PPP1R7: variants seen among roughly 807,000 people sequenced by gnomAD.
The protein encoded by PPP1R7 is protein phosphatase 1 regulatory subunit 22.
In PPP1R7, 18 loss-of-function variants were observed where a neutral mutation model predicts 45.2. The ratio of observed to expected loss-of-function variants is 0.40; its 90% confidence interval spans 0.28 to 0.59. The LOEUF (loss-of-function observed/expected upper bound fraction) is 0.59, where lower values mean the gene tolerates loss of function less well. Among genes scored for constraint, PPP1R7 ranks in the 20% least tolerant of loss-of-function variants. The pLI is 0.46. For missense variants in PPP1R7, 314 were observed against 455.8 expected, an observed-to-expected ratio of 0.69 and a Z score of 2.83; for synonymous variants, 181 against 183.4, an observed-to-expected ratio of 0.99 and a Z score of 0.11.
Position 241,183,356 on chromosome 2 carries a change from C to G in PPP1R7, c.*533C>G, listed in dbSNP as rs1230515244. The G allele has an allele frequency of 6.4e-6, 3 of 467,418 alleles. No individual in the cohort carries two copies. Among genetic ancestry groups the G allele is most frequent in the Non-Finnish European group, 8.9e-6 (2 of 225,966 alleles). The allele number at this position is 467,418 out of a possible 1,614,324, so 29.0% of individuals were successfully genotyped here. Reference sequence around the variant, plus strand: ...AAAAGCTGGGTAAAAGCTGACTCAGCCCTGTGTGCTTGTGTTCCTTAGAGC... The same window carrying G: ...AAAAGCTGGGTAAAAGCTGACTCAGGCCTGTGTGCTTGTGTTCCTTAGAGC... On this transcript the variant is annotated 3_prime_UTR_variant, in exon 10 of 10. Transcript: ENST00000234038.
chr2:241,177,840 C>T (rs77648279), intron 9 of PPP1R7, among the ~76,000 whole-genome samples: 3,258 of 152,340 alleles, frequency 0.021, 64 homozygotes, highest in Non-Finnish European at 0.034. Context: ...AGGAAAGTTT[C>T]CACCCTCATG....
At chr2:241,166,148 C>G (rs1275208035) in intron 7 of PPP1R7, among the ~76,000 whole-genome samples, 189 bp from the exon 8 acceptor site, 1 of 150,268 alleles carries the variant, frequency 6.7e-6, no homozygotes, top group Non-Finnish European at 1.5e-5. Context: ...GTGATCTGCC[C>G]CACTCGGCCT....
intron 8 of PPP1R7, 39 bp from the exon 9 acceptor site, chr2:241,169,742 C>A: frequency 6.5e-7 from 1 of 1,531,768 alleles, no homozygotes; most frequent in Non-Finnish European, 9.0e-7. Context: ...CACTGTTGAT[C>A]AGAGGTAATC....
rs199789467 is a variant in PPP1R7, at chr2:241,166,357, C to G, written c.735C>G (p.Ile245Met). The change falls in exon 8 of 10, where the codon ATC becomes ATG. Residue 245 changes from isoleucine to methionine, a missense_variant. By Grantham distance (10) the Ile-to-Met change is conservative. This residue lies in a region of PPP1R7 where 168 missense variants were observed against 285.3 expected (regional missense o/e 0.59). Coordinates refer to ENST00000234038, the MANE Select transcript of PPP1R7 (RefSeq NM_002712.3). ...LSMQSNRLTK[I>M]EGLQNLVNLR... ...TGCAGAGCAACCGGCTGACCAAGAT[C>G]GAGGGTCTGCAGAACCTGGTGAACC... 3.9e-5 allele frequency: 63 copies of G among 1,613,998 alleles called. No individual in the cohort carries two copies. In the African/African-American group the frequency reaches 6.8e-4, roughly 17 times the overall value.
At chr2:241,152,527 G>A (rs1330695804) in intron 1 of PPP1R7, among the ~76,000 whole-genome samples, 1 of 152,190 alleles carries the variant, frequency 6.6e-6, no homozygotes, top group African/African-American at 2.4e-5. Context: ...AGGTTTTGGA[G>A]GTGGGTTTTA....
At chr2:241,157,389 A>G (rs1251268551) in intron 2 of PPP1R7, among the ~76,000 whole-genome samples, 1 of 152,222 alleles carries the variant, frequency 6.6e-6, no homozygotes, top group African/African-American at 2.4e-5. Flanking sequence ...CACAAACAAA[A>G]AGAGAAAAGC....
intron 9 of PPP1R7, among the ~76,000 whole-genome samples, chr2:241,181,554 A>C (rs565305725): frequency 1.2e-3 from 181 of 152,146 alleles, no homozygotes; most frequent in African/African-American, 4.1e-3. Flanking sequence ...ACAGGGCCCC[A>C]GAGAGAAGGG....
At chr2:241,167,785 G>A (rs1004392198) in intron 8 of PPP1R7, among the ~76,000 whole-genome samples, 1 of 152,136 alleles carries the variant, frequency 6.6e-6, no homozygotes, top group Non-Finnish European at 1.5e-5. Context: ...AGGTAATTAC[G>A]TTATTGTAAT....
At chr2:241,153,748 G>C (rs1386391739) in intron 2 of PPP1R7, 144 bp downstream of exon 2, 1 of 1,027,158 alleles carries the variant, frequency 9.7e-7, no homozygotes. Flanking sequence ...GCCCAGGGCA[G>C]GTGGATATGC....
At chr2:241,173,043 A>G (rs1158386380) in intron 9 of PPP1R7, among the ~76,000 whole-genome samples, 1 of 151,894 alleles carries the variant, frequency 6.6e-6, no homozygotes, top group African/African-American at 2.4e-5. Context: ...TGTAATCCCA[A>G]GGTGGATCAC....
At chr2:241,160,597 C>T in intron 6 of PPP1R7, 103 bp downstream of exon 6, 1 of 1,014,956 alleles carries the variant, frequency 9.9e-7, no homozygotes, top group Non-Finnish European at 1.4e-6. Flanking sequence ...GTCTGCATTT[C>T]TTACAATGCT....
At chr2:241,160,209 C>A (rs1192633023) in intron 5 of PPP1R7, 123 bp from the exon 6 acceptor site, 3 of 683,850 alleles carry the variant, frequency 4.4e-6, no homozygotes, top group Non-Finnish European at 7.1e-6. Flanking sequence ...ACCCCCCACC[C>A]TCTCCCACCC....
chr2:241,183,175 C>T lies in PPP1R7; in HGVS notation c.*352C>T, dbSNP rs2068037981. On this transcript the variant is annotated 3_prime_UTR_variant, in exon 10 of 10. Transcript: ENST00000234038. The stretch of plus-strand genomic sequence containing the variant: ...AAACACAGGGCCTGAGAGTGCTTTA[C>T]AGGCATTCACGTGCTGTCCGAGTGG... 1 of 389,256 alleles carries T rather than the reference C, an allele frequency of 2.6e-6. No individual in the cohort carries two copies. The highest frequency in any genetic ancestry group is 5.0e-6 in the Non-Finnish European group (1 of 200,970). 24.1% of individuals were successfully genotyped at this position (389,256 alleles called of 1,614,324 possible).
At chr2:241,149,755 G>C (rs1305218546), upstream of PPP1R7, 1 of 1,540,962 alleles carries the variant, frequency 6.5e-7, no homozygotes, top group Non-Finnish European at 8.7e-7. Context: ...TCTGAAGGCG[G>C]AGGACGCGGG....
chr2:241,150,273 A>G, upstream of PPP1R7: 5 of 1,318,142 alleles, frequency 3.8e-6, no homozygotes, highest in Non-Finnish European at 2.9e-6. Context: ...TCGCCTCCAG[A>G]CTGTTCCGGC....
rs1199530293 is a variant in PPP1R7, at chr2:241,153,592, G to A, written c.169G>A (p.Glu57Lys). ...SLKDGEERGE[E>K]DPEEEHELPV... Reference sequence around the variant, plus strand: ...GAAGGATGGGGAGGAGCGGGGGGAGGAGGACCCAGAAGGTACCAGGCCCAG... The same window carrying A: ...GAAGGATGGGGAGGAGCGGGGGGAGAAGGACCCAGAAGGTACCAGGCCCAG... The change falls in exon 2 of 10, where the codon GAG becomes AAG. Residue 57 changes from glutamate to lysine, a missense_variant. Coordinates refer to ENST00000234038, the MANE Select transcript of PPP1R7 (RefSeq NM_002712.3). 1 of 1,614,020 alleles carries A rather than the reference G, an allele frequency of 6.2e-7. No homozygotes were observed. The highest frequency in any genetic ancestry group is 8.5e-7 in the Non-Finnish European group (1 of 1,180,028).
At chr2:241,160,910 C>T (rs1179816887) in intron 6 of PPP1R7, among the ~76,000 whole-genome samples, 3 of 149,784 alleles carry the variant, frequency 2.0e-5, no homozygotes, top group Non-Finnish European at 3.0e-5. Context: ...ATGTACATAC[C>T]GGGGCTTTAG....
chr2:241,152,920 G>A (rs1329828917), intron 1 of PPP1R7, among the ~76,000 whole-genome samples: 2 of 152,172 alleles, frequency 1.3e-5, no homozygotes, highest in African/African-American at 2.4e-5. Context: ...TCACACCAAT[G>A]AGCTTTCTGT....
chr2:241,151,620 C>T, intron 1 of PPP1R7: 1 of 465,932 alleles, frequency 2.1e-6, no homozygotes, highest in Non-Finnish European at 4.5e-6. Context: ...GGGTCTTGGA[C>T]TTCATACCCT....
Sources: allele counts gnomAD v4.1 joint callset (sites outside exome capture counted in the v4.1 genomes callset), GRCh38; gene constraint gnomAD v4.1.1; regional missense constraint gnomAD v4.1.1; transcripts MANE v1.5; gene names NCBI Gene and HGNC (gene_info 2026-07-23, HGNC 2026-07-21).